SEMA5A: variants seen among roughly 807,000 people sequenced by gnomAD.
SEMA5A encodes the protein semaphorin 5A, also known as semaphorin-5A.
In SEMA5A, 55 loss-of-function variants were observed where a neutral mutation model predicts 135.5. That is an observed-to-expected ratio of 0.41 (90% CI 0.33 to 0.51). The LOEUF is 0.51. SEMA5A is among the 20% of genes least tolerant of loss of function. SEMA5A has a pLI of 0.37. For missense variants in SEMA5A, 1,290 were observed against 1,419.9 expected, an observed-to-expected ratio of 0.91 and a Z score of 1.47; for synonymous variants, 580 against 546.5, an observed-to-expected ratio of 1.06 and a Z score of -0.85.
chr5:9,336,023 T>C (rs1414480074), intron 4 of SEMA5A, among the ~76,000 whole-genome samples: 3 of 151,960 alleles, frequency 2.0e-5, no homozygotes, highest in African/African-American at 7.3e-5. Flanking sequence ...GTCCAGTATG[T>C]TACTAGGGCC....
intron 6 of SEMA5A, among the ~76,000 whole-genome samples, chr5:9,231,423 C>T (rs966359059): frequency 1.7e-5 from 2 of 119,602 alleles, no homozygotes; most frequent in Non-Finnish European, 3.2e-5. Context: ...GCCAAGATGG[C>T]GCCACTGCAC....
intron 8 of SEMA5A, among the ~76,000 whole-genome samples, chr5:9,210,521 C>A (rs1746286985): frequency 1.3e-5 from 2 of 152,212 alleles, no homozygotes; most frequent in Admixed American, 1.3e-4. Flanking sequence ...ACATACCCCT[C>A]TTCATGGCAG....
chr5:9,186,928 G>A (rs1744838486), intron 11 of SEMA5A, among the ~76,000 whole-genome samples: 1 of 152,012 alleles, frequency 6.6e-6, no homozygotes, highest in Non-Finnish European at 1.5e-5. Context: ...ATCTATGTCT[G>A]TATCTGTACC....
intron 11 of SEMA5A, among the ~76,000 whole-genome samples, chr5:9,178,309 CTCTT>C (rs1338947859): frequency 2.0e-5 from 3 of 149,706 alleles, no homozygotes; most frequent in Admixed American, 6.7e-5. Flanking sequence ...TGTATAAGCT[CTCTT>C]TCTTTTTTTT....
At chr5:9,114,521 T>C (rs1438312845) in intron 15 of SEMA5A, among the ~76,000 whole-genome samples, 1 of 152,142 alleles carries the variant, frequency 6.6e-6, no homozygotes, top group Non-Finnish European at 1.5e-5. Context: ...AGGAATATAT[T>C]ATCAGGAACT....
intron 1 of SEMA5A, among the ~76,000 whole-genome samples, chr5:9,519,326 C>A (rs1238593747): frequency 6.6e-6 from 1 of 152,070 alleles, no homozygotes; most frequent in East Asian, 1.9e-4. Flanking sequence ...ATGGATTGAC[C>A]AAATTAAAAA....
intron 6 of SEMA5A, among the ~76,000 whole-genome samples, chr5:9,235,237 C>A (rs929827172): frequency 1.3e-5 from 2 of 152,244 alleles, no homozygotes; most frequent in African/African-American, 4.8e-5. Flanking sequence ...TTTTAAACGT[C>A]TTTGTAACAA....
intron 12 of SEMA5A, among the ~76,000 whole-genome samples, chr5:9,151,831 T>C (rs1472009374): frequency 3.3e-5 from 5 of 152,202 alleles, no homozygotes; most frequent in African/African-American, 1.2e-4. Flanking sequence ...AGCAGGATGA[T>C]TAAGCTCCAG....
chr5:9,036,905 G>C lies in SEMA5A; in HGVS notation c.*5992C>G, dbSNP rs748272292. 2 of 152,510 alleles carry C rather than the reference G, an allele frequency of 1.3e-5. No homozygotes were observed. The highest frequency in any genetic ancestry group is 2.4e-5 in the African/African-American group (1 of 41,422). The allele number at this position is 152,510 out of a possible 1,614,324, so 9.4% of individuals were successfully genotyped here. A position where few individuals can be genotyped will look rare whatever the true frequency, so the allele number is the denominator to read the frequency against. ...GGAAGAAAATGATGCTCTCATTTTAGCAACATGATAAAATAGTTCCGATTT... is the reference window on the plus strand; with the variant it reads ...GGAAGAAAATGATGCTCTCATTTTACCAACATGATAAAATAGTTCCGATTT... On this transcript the variant is annotated 3_prime_UTR_variant, in exon 23 of 23. Transcript: ENST00000382496.
intron 12 of SEMA5A, among the ~76,000 whole-genome samples, chr5:9,143,765 G>C (rs932668180): frequency 6.6e-6 from 1 of 152,140 alleles, no homozygotes. Context: ...CAGAGACCCC[G>C]TTCCACTCCC....
chr5:9,046,503 G>A (rs1736263810), intron 21 of SEMA5A, among the ~76,000 whole-genome samples: 1 of 152,186 alleles, frequency 6.6e-6, no homozygotes, highest in African/African-American at 2.4e-5. Context: ...GTGTCAAAGG[G>A]AGGGTCACTG....
intron 5 of SEMA5A, among the ~76,000 whole-genome samples, chr5:9,308,453 C>T (rs1373744687): frequency 2.6e-5 from 4 of 152,166 alleles, no homozygotes; most frequent in Admixed American, 1.3e-4. Context: ...AGGCTATACT[C>T]CAGCTGACAG....
At chr5:9,100,574 A>G (rs1017182278) in intron 16 of SEMA5A, among the ~76,000 whole-genome samples, 7 of 151,948 alleles carry the variant, frequency 4.6e-5, no homozygotes, top group Non-Finnish European at 7.4e-5. Flanking sequence ...CCCTAATAGG[A>G]GCTTTTCCCT....
chr5:9,047,978 GAACTGCACAC>G (rs1736361986), intron 21 of SEMA5A, among the ~76,000 whole-genome samples: 1 of 152,156 alleles, frequency 6.6e-6, no homozygotes, highest in Admixed American at 6.5e-5. Flanking sequence ...GGAGGAAAGT[GAACTGCACAC>G]GTCTGGCAGC....
At chr5:9,197,085 A>C (rs1255144592) in intron 10 of SEMA5A, 83 bp downstream of exon 10, 2 of 1,578,294 alleles carry the variant, frequency 1.3e-6, no homozygotes, top group Non-Finnish European at 1.7e-6. Flanking sequence ...CCCGCGGTTT[A>C]AATTACCCTT....
chr5:9,196,802 C>T (rs1745410976), intron 10 of SEMA5A, among the ~76,000 whole-genome samples: 1 of 152,194 alleles, frequency 6.6e-6, no homozygotes, highest in African/African-American at 2.4e-5. Flanking sequence ...CTGCTCTGTG[C>T]CCTGGACCCC....
At position 9,042,666 on chromosome 5, in the gene SEMA5A, A is replaced by G; in HGVS notation, c.*231T>C. The G allele has an allele frequency of 2.1e-6, 1 of 483,922 alleles. No individual in the cohort carries two copies. The allele number at this position is 483,922 out of a possible 1,614,324, so 30.0% of individuals were successfully genotyped here. The stretch of plus-strand genomic sequence containing the variant: ...AAAAATAGGATGAACACAATTAAAA[A>G]CTTCACACCCTGGCTCATTCAACAA... On this transcript the variant is annotated 3_prime_UTR_variant, in exon 23 of 23. Coordinates refer to ENST00000382496, the MANE Select transcript of SEMA5A (RefSeq NM_003966.3).
intron 1 of SEMA5A, among the ~76,000 whole-genome samples, chr5:9,542,931 T>C (rs1738171704): frequency 6.6e-6 from 1 of 152,224 alleles, no homozygotes; most frequent in Non-Finnish European, 1.5e-5. Context: ...TGGCTGGACA[T>C]TTAGTAAAGG....
intron 1 of SEMA5A, among the ~76,000 whole-genome samples, chr5:9,537,375 G>T (rs1737828225): frequency 6.6e-6 from 1 of 152,132 alleles, no homozygotes; most frequent in Admixed American, 6.5e-5. Flanking sequence ...TTGAAATCTA[G>T]AGAACATTAG....
Sources: gnomAD v4.1 joint callset for allele counts (sites outside exome capture counted in the v4.1 genomes callset) on GRCh38, gnomAD v4.1.1 for gene constraint, MANE v1.5 for transcripts, NCBI Gene and HGNC (gene_info 2026-07-23, HGNC 2026-07-21) for gene names.